PRMT3: variants seen among roughly 807,000 people sequenced by gnomAD.
The protein encoded by PRMT3 is protein arginine N-methyltransferase 3.
Under a neutral mutation model 71.9 loss-of-function variants are expected in PRMT3, and 62 were observed. That is an observed-to-expected ratio of 0.86 (90% CI 0.70 to 1.07). PRMT3 has a LOEUF of 1.07. Among genes scored for constraint, PRMT3 ranks in the 50% least tolerant of loss-of-function variants. The pLI is 0.00. For missense variants in PRMT3, 663 were observed against 643.0 expected (o/e 1.03, Z -0.34); for synonymous variants, 213 against 220.4 (o/e 0.97, Z 0.30).
At chr11:20,427,858 G>A (rs567568320) in intron 10 of PRMT3, among the ~76,000 whole-genome samples, 9 of 45,968 alleles carry the variant, frequency 2.0e-4, no homozygotes, top group African/African-American at 3.5e-4. Flanking sequence ...GTTCTGTTTG[G>A]TAGATATATT....
intron 13 of PRMT3, among the ~76,000 whole-genome samples, chr11:20,484,737 C>A (rs981330742): frequency 6.6e-6 from 1 of 151,970 alleles, no homozygotes; most frequent in African/African-American, 2.4e-5. Flanking sequence ...AGGTAGGGGG[C>A]CTTAGGTAGG....
intron 13 of PRMT3, among the ~76,000 whole-genome samples, chr11:20,486,272 T>C (rs1851068933): frequency 6.6e-6 from 1 of 152,164 alleles, no homozygotes; most frequent in Admixed American, 6.5e-5. Flanking sequence ...TACTAAAGAA[T>C]GTTGAATTGT....
At chr11:20,456,252 T>C (rs2133393320) in intron 11 of PRMT3, among the ~76,000 whole-genome samples, 1 of 152,328 alleles carries the variant, frequency 6.6e-6, no homozygotes, top group Admixed American at 6.5e-5. Context: ...GAAATACAGA[T>C]GACTCTTAAA....
intron 7 of PRMT3, among the ~76,000 whole-genome samples, chr11:20,399,811 G>A (rs764262110): frequency 7.2e-5 from 11 of 152,166 alleles, no homozygotes; most frequent in South Asian, 2.1e-4. Context: ...GCTCTGGTAC[G>A]TTTAACTCCT....
At chr11:20,506,822 T>C (rs889493249) in intron 15 of PRMT3, among the ~76,000 whole-genome samples, 1 of 152,250 alleles carries the variant, frequency 6.6e-6, no homozygotes, top group African/African-American at 2.4e-5. Context: ...AGCAATTTGT[T>C]ACTTTTTAAA....
chr11:20,408,690 C>T (rs1280527202), intron 9 of PRMT3, among the ~76,000 whole-genome samples: 2 of 152,148 alleles, frequency 1.3e-5, no homozygotes, highest in Non-Finnish European at 2.9e-5. Flanking sequence ...AACAAAAGCA[C>T]CTTACATTTG....
At chr11:20,508,082 G>A (rs1017597616) in intron 15 of PRMT3, among the ~76,000 whole-genome samples, 1 of 150,532 alleles carries the variant, frequency 6.6e-6, no homozygotes, top group African/African-American at 2.4e-5. Flanking sequence ...CTCCAGCCTG[G>A]GAGAATGCAG....
At chr11:20,388,641 T>C (rs1848648826) in intron 2 of PRMT3, among the ~76,000 whole-genome samples, 1 of 152,268 alleles carries the variant, frequency 6.6e-6, no homozygotes, top group African/African-American at 2.4e-5. Flanking sequence ...ACAGAGCTTC[T>C]CAGGTGAAAC....
rs538590430 is a variant in PRMT3 at position 20,475,693 on chromosome 11, T to A, written c.1347+11147T>A. 7.4e-5 allele frequency among the ~76,000 whole-genome samples: 11 copies of A among 149,288 alleles called. 1 individual carries two copies. The South Asian group carries it at 2.3e-3, about 32-fold the overall frequency. ...TTTTGAGACAGAGTCTAGCTCTGTC[T>A]TCTGGGCTGGAGTGCAGAGGTGCGA... is the stretch of plus-strand genomic sequence containing the variant. On this transcript the variant is annotated intron_variant, in intron 13 of 15. Coordinates refer to ENST00000331079, the MANE Select transcript of PRMT3 (RefSeq NM_005788.4).
intron 10 of PRMT3, among the ~76,000 whole-genome samples, chr11:20,445,654 T>G (rs180799753): frequency 6.6e-6 from 1 of 152,128 alleles, no homozygotes. Context: ...AAAGAAGACA[T>G]CCAAATATCA....
chr11:20,507,514 G>A (rs574075203), intron 15 of PRMT3, among the ~76,000 whole-genome samples: 56 of 152,226 alleles, frequency 3.7e-4, no homozygotes, highest in Admixed American at 3.5e-3. Flanking sequence ...AGTGGCTTAC[G>A]CCTGTAATCC....
chr11:20,471,137 A>G (rs890622499), intron 13 of PRMT3, among the ~76,000 whole-genome samples: 4 of 151,986 alleles, frequency 2.6e-5, no homozygotes, highest in African/African-American at 9.7e-5. Flanking sequence ...TCAGATGGAT[A>G]GATTGCAAAA....
At chr11:20,451,395 T>G (rs575746892) in intron 10 of PRMT3, among the ~76,000 whole-genome samples, 2 of 152,250 alleles carry the variant, frequency 1.3e-5, no homozygotes, top group South Asian at 2.1e-4. Context: ...ACTCAGAACT[T>G]TTAGTGTGCT....
chr11:20,415,807 A>T (rs1409663860), intron 9 of PRMT3, among the ~76,000 whole-genome samples: 2 of 152,172 alleles, frequency 1.3e-5, no homozygotes, highest in African/African-American at 4.8e-5. Flanking sequence ...AAATAGAGTA[A>T]CATTATTATT....
At chr11:20,424,203 T>C (rs1156808627) in intron 9 of PRMT3, among the ~76,000 whole-genome samples, 6 of 145,620 alleles carry the variant, frequency 4.1e-5, no homozygotes, top group Non-Finnish European at 9.1e-5. Context: ...AAAAAAAAAT[T>C]GATATGGGAG....
intron 10 of PRMT3, among the ~76,000 whole-genome samples, chr11:20,436,538 G>C (rs754544502): frequency 4.6e-5 from 7 of 152,126 alleles, no homozygotes; most frequent in Non-Finnish European, 8.8e-5. Flanking sequence ...TGTCTTTTGA[G>C]ATGATCATAT....
In PRMT3 at chr11:20,387,811, G is replaced by T. The variant is rs1241601755; in HGVS notation, c.28+37G>T. The T allele has an allele frequency of 1.3e-6, 2 of 1,540,388 alleles. No individual in the cohort carries two copies. Among genetic ancestry groups the T allele is most frequent in the East Asian group, 4.9e-5 (2 of 40,856 alleles). ...GGCCCCTCAGCACCCGGCTCGTCCA[G>T]CCCCAGGCCGCGCCGCTGTGGGGCC... On this transcript the variant is annotated intron_variant, in intron 1 of 15. Transcript: ENST00000331079. The surrounding 1 kb of genome is among the most constrained non-coding windows in gnomAD (Gnocchi z 4.3).
intron 15 of PRMT3, among the ~76,000 whole-genome samples, chr11:20,496,591 A>G (rs1456343965): frequency 7.3e-6 from 1 of 136,628 alleles, no homozygotes; most frequent in Admixed American, 7.8e-5. Flanking sequence ...ACCTCTGGAT[A>G]GAAATAGGAT....
chr11:20,409,352 T>G lies in PRMT3; in HGVS notation c.893+1320T>G, dbSNP rs74489028. Among the ~76,000 whole-genome samples, 1,006 of 152,278 alleles carry G rather than the reference T, an allele frequency of 6.6e-3. 7 individuals carry two copies. The highest frequency in any genetic ancestry group is 0.023 in the African/African-American group (949 of 41,564). ...CAGTTGTTTCACTGTCAAATGAAAC[T>G]TATAATGGCTATCTTTTGTGGTTGT... On this transcript the variant is annotated intron_variant, in intron 9 of 15. Coordinates refer to ENST00000331079, the MANE Select transcript of PRMT3 (RefSeq NM_005788.4).
Sources: allele counts gnomAD v4.1 joint callset (sites outside exome capture counted in the v4.1 genomes callset), GRCh38; gene constraint gnomAD v4.1.1; non-coding constraint Gnocchi (gnomAD v3.1); transcripts MANE v1.5; gene names NCBI Gene and HGNC (gene_info 2026-07-23, HGNC 2026-07-21).